TMEM130: variants seen among roughly 807,000 people sequenced by gnomAD.
The protein encoded by TMEM130 is transmembrane protein 130.
A neutral mutation model predicts 42.9 loss-of-function variants in TMEM130; 37 were observed. That is an observed-to-expected ratio of 0.86 (90% confidence interval 0.66 to 1.13). The LOEUF is 1.13. Among genes scored for constraint, TMEM130 ranks in the 50% most tolerant of loss-of-function variants. The pLI, the probability that TMEM130 is intolerant of heterozygous loss-of-function variation, is 0.00. For synonymous variants in TMEM130, 259 were observed against 237.7 expected, an observed-to-expected ratio of 1.09 and a Z score of -0.82; for missense variants, 545 against 562.6, an observed-to-expected ratio of 0.97 and a Z score of 0.32.
intron 1 of TMEM130, among the ~76,000 whole-genome samples, chr7:98,863,751 TTC>T (rs200178934): frequency 0.013 from 1,927 of 150,462 alleles, 23 homozygotes; most frequent in Non-Finnish European, 0.02. Context: ...CTCTTTTCTT[TTC>T]TCTCTCCTTC....
At chr7:98,858,794 G>A (rs1290874824) in intron 3 of TMEM130, among the ~76,000 whole-genome samples, 1 of 152,086 alleles carries the variant, frequency 6.6e-6, no homozygotes, top group Middle Eastern at 3.2e-3. Context: ...CAAGGCGGCA[G>A]TGATCTATAA....
chr7:98,848,716 A>C, intron 6 of TMEM130, 21 bp from the exon 7 acceptor site: 1 of 1,501,054 alleles, frequency 6.7e-7, no homozygotes, highest in Non-Finnish European at 9.3e-7. Context: ...AAGAAGTAAC[A>C]TTACAGGACT....
chr7:98,852,373 G>A (rs1006521898), intron 5 of TMEM130, among the ~76,000 whole-genome samples: 3 of 151,662 alleles, frequency 2.0e-5, no homozygotes, highest in African/African-American at 4.8e-5. Context: ...CAGGTGACCC[G>A]CCCGCCTCGG....
intron 2 of TMEM130, among the ~76,000 whole-genome samples, chr7:98,862,268 AAGAGAC>A (rs1794787982): frequency 6.8e-6 from 1 of 147,440 alleles, no homozygotes; most frequent in Non-Finnish European, 1.5e-5. Flanking sequence ...GACAGAGATA[AAGAGAC>A]AGAGACAAAG....
At chr7:98,867,204 C>T (rs782177942) in intron 1 of TMEM130, among the ~76,000 whole-genome samples, 2 of 152,134 alleles carry the variant, frequency 1.3e-5, no homozygotes, top group Non-Finnish European at 2.9e-5. Context: ...TGTCTTAACC[C>T]CAAAGAGGGA....
chr7:98,852,376 C>T (rs1017013223), intron 5 of TMEM130, among the ~76,000 whole-genome samples: 4 of 152,020 alleles, frequency 2.6e-5, no homozygotes, highest in Admixed American at 1.3e-4. Flanking sequence ...GTGACCCGCC[C>T]GCCTCGGCCT....
chr7:98,863,393 A>T lies in TMEM130; in HGVS notation c.93T>A (p.Tyr31Ter). 1.3e-6 allele frequency: 2 copies of T among 1,587,384 alleles called. No homozygotes were observed. Among genetic ancestry groups the T allele is most frequent in the Non-Finnish European group, 1.7e-6 (2 of 1,170,364 alleles). Residue 31 changes from tyrosine (Y) to a stop codon, truncating the protein, a stop_gained, in exon 2 of 8, where the codon TAT becomes TAA. Coordinates refer to ENST00000339375, the MANE Select transcript of TMEM130 (RefSeq NM_152913.3). LOFTEE classifies it high-confidence loss of function. ...WAPAGVAAGL[Y>*]ELNLTTDSPA... ...GGCTATCGGTGGTGAGATTGAGTTC[A>T]TACAGGCCTAGGAGCCCAGAAACAA...
chr7:98,848,281 C>T (rs1190737261), intron 7 of TMEM130, 73 bp from the exon 8 acceptor site: 2 of 1,581,516 alleles, frequency 1.3e-6, no homozygotes, highest in Non-Finnish European at 1.7e-6. Flanking sequence ...AATCACCCAC[C>T]CACCAGGAGC....
chr7:98,848,281 C>A, intron 7 of TMEM130, 73 bp from the exon 8 acceptor site: 1 of 1,581,632 alleles, frequency 6.3e-7, no homozygotes. Flanking sequence ...AATCACCCAC[C>A]CACCAGGAGC....
chr7:98,859,064 AAAG>A (rs1435393471), intron 3 of TMEM130, among the ~76,000 whole-genome samples: 3 of 148,782 alleles, frequency 2.0e-5, no homozygotes, highest in Non-Finnish European at 4.5e-5. Context: ...AAGAAAGAAA[AAAG>A]AAAAAGGAAA....
chr7:98,852,700 G>A (rs1281282246), intron 5 of TMEM130, among the ~76,000 whole-genome samples: 4 of 151,854 alleles, frequency 2.6e-5, no homozygotes, highest in African/African-American at 9.7e-5. Flanking sequence ...GTTCAAGTGA[G>A]TCTTCCACCT....
intron 3 of TMEM130, among the ~76,000 whole-genome samples, chr7:98,857,552 T>C (rs1273599101): frequency 6.6e-6 from 1 of 151,676 alleles, no homozygotes; most frequent in Non-Finnish European, 1.5e-5. Context: ...ATACAAAAAT[T>C]AGCCAGTCGT....
chr7:98,864,307 G>A (rs923543542), intron 1 of TMEM130, among the ~76,000 whole-genome samples: 4 of 151,818 alleles, frequency 2.6e-5, no homozygotes, highest in African/African-American at 9.7e-5. Flanking sequence ...CTGGGCTCAA[G>A]TGATCCTCCC....
Position 98,846,854 on chromosome 7 carries a change from C to T in TMEM130, c.*1202G>A, listed in dbSNP as rs1794364708. The T allele has an allele frequency of 6.6e-6, 1 of 151,712 alleles. No individual in the cohort carries two copies. Among genetic ancestry groups the T allele is most frequent in the African/African-American group, 2.4e-5 (1 of 41,216 alleles). 9.4% of individuals were successfully genotyped at this position (151,712 alleles called of 1,614,324 possible). On this transcript the variant is annotated 3_prime_UTR_variant, in exon 8 of 8. Coordinates refer to ENST00000339375, the MANE Select transcript of TMEM130 (RefSeq NM_152913.3). ...GAACCCAAGTCCCTGCTGACTCAAC[C>T]TCTTCTTTTTTTTTTTTTGGAGACA...
intron 6 of TMEM130, among the ~76,000 whole-genome samples, chr7:98,850,273 A>ATATATTTTTTTTTTTTTTTTTT: frequency 1.7e-4 from 6 of 35,470 alleles, no homozygotes; most frequent in African/African-American, 3.8e-4. Flanking sequence ...ATATATATAT[A>ATATATTTTTTTTTTTTTTTTTT]TTTTTTTTTT....
In TMEM130 at chr7:98,869,174, G is replaced by T. The variant is rs782375950; in HGVS notation, c.85+603C>A. 4.8e-5 allele frequency: 61 copies of T among 1,282,236 alleles called. 1 individual carries two copies. The South Asian group carries it at 7.5e-4, about 16-fold the overall frequency. The allele number at this position is 1,282,236 out of a possible 1,614,324, so 79.4% of individuals were successfully genotyped here. On this transcript the variant is annotated intron_variant, in intron 1 of 7. Coordinates refer to ENST00000339375, the MANE Select transcript of TMEM130 (RefSeq NM_152913.3). The surrounding 1 kb of genome is among the most constrained non-coding windows in gnomAD (Gnocchi z 4.7). ...GTGGGGGCAGTAGACACACAACCCT[G>T]CTTCCCCCACTCCCCCACCCACACA...
chr7:98,848,943 G>A (rs7806456), intron 6 of TMEM130, among the ~76,000 whole-genome samples: 63,072 of 152,024 alleles, frequency 0.41, 15,385 homozygotes, highest in Non-Finnish European at 0.54. Context: ...CTTCCAAGAG[G>A]GGCAGCTAAA....
In TMEM130 at chr7:98,860,662, T is replaced by C. The variant is rs188925944; in HGVS notation, c.392-324A>G. Among the ~76,000 whole-genome samples the C allele has an allele frequency of 5.3e-4, 80 of 152,236 alleles. 1 individual carries two copies. Among genetic ancestry groups the C allele is most frequent in the African/African-American group, 1.8e-3 (76 of 41,568 alleles). The stretch of plus-strand genomic sequence containing the variant: ...ATGCCCAAGGTCAGAAGGAAATGCA[T>C]GGCTGGGTGCGGTGGCTCACACCTG... On this transcript the variant is annotated intron_variant, in intron 2 of 7. Coordinates refer to ENST00000339375, the MANE Select transcript of TMEM130 (RefSeq NM_152913.3).
chr7:98,854,776 C>A (rs782279569), intron 5 of TMEM130, among the ~76,000 whole-genome samples: 7 of 152,064 alleles, frequency 4.6e-5, no homozygotes, highest in African/African-American at 9.7e-5. Context: ...TGGCTCACAC[C>A]TGTAATCTCA....
Sources: allele counts gnomAD v4.1 joint callset (sites outside exome capture counted in the v4.1 genomes callset), GRCh38; gene constraint gnomAD v4.1.1; non-coding constraint Gnocchi (gnomAD v3.1); transcripts MANE v1.5; gene names NCBI Gene and HGNC (gene_info 2026-07-23, HGNC 2026-07-21).